RABGAP1L: variants seen among roughly 807,000 people sequenced by gnomAD.
The protein encoded by RABGAP1L is RAB GTPase activating protein 1 like, also known as rab GTPase-activating protein 1-like.
Under a neutral mutation model 137.7 loss-of-function variants are expected in RABGAP1L, and 63 were observed. The ratio of observed to expected loss-of-function variants is 0.46; its 90% CI spans 0.37 to 0.56. The LOEUF (loss-of-function observed/expected upper bound fraction) is 0.56. Among genes scored for constraint, RABGAP1L ranks in the 20% least tolerant of loss-of-function variants. RABGAP1L has a pLI of 0.00. For missense variants in RABGAP1L, 1,095 were observed against 1,244.0 expected (o/e 0.88, Z 1.80); for synonymous variants, 431 against 433.7 (o/e 0.99, Z 0.08).
chr1:174,403,282 C>CT (rs796504266), intron 13 of RABGAP1L, among the ~76,000 whole-genome samples: 103 of 130,758 alleles, frequency 7.9e-4, no homozygotes, highest in South Asian at 5.8e-3. Flanking sequence ...TTTCTTCTCT[C>CT]TTTTTTTTTT....
intron 13 of RABGAP1L, among the ~76,000 whole-genome samples, chr1:174,460,543 T>C (rs1225917672): frequency 6.6e-6 from 1 of 152,096 alleles, no homozygotes; most frequent in African/African-American, 2.4e-5. Context: ...TTTCCACATT[T>C]AGTATTATTT....
chr1:174,384,680 C>T (rs1686592464), intron 12 of RABGAP1L, among the ~76,000 whole-genome samples: 1 of 152,120 alleles, frequency 6.6e-6, no homozygotes, highest in African/African-American at 2.4e-5. Flanking sequence ...TCTTAACTAA[C>T]TTCTCTCTTC....
intron 19 of RABGAP1L, among the ~76,000 whole-genome samples, chr1:174,936,953 A>G (rs1664897718): frequency 6.8e-6 from 1 of 147,084 alleles, no homozygotes; most frequent in African/African-American, 2.6e-5. Context: ...AGGAAGGACC[A>G]TAATTTTTAT....
chr1:174,856,212 T>C (rs112321384), intron 19 of RABGAP1L, among the ~76,000 whole-genome samples: 1 of 152,000 alleles, frequency 6.6e-6, no homozygotes, highest in Non-Finnish European at 1.5e-5. Flanking sequence ...CTGGCCAAGA[T>C]GGTGAAACCC....
intron 13 of RABGAP1L, among the ~76,000 whole-genome samples, chr1:174,475,401 TAAC>T (rs888988964): frequency 2.6e-5 from 4 of 152,240 alleles, no homozygotes; most frequent in South Asian, 4.1e-4. Context: ...TTAAGGTAGT[TAAC>T]AATAATATTG....
chr1:174,525,249 A>G (rs770390959), intron 13 of RABGAP1L, among the ~76,000 whole-genome samples: 4 of 152,108 alleles, frequency 2.6e-5, no homozygotes, highest in Non-Finnish European at 4.4e-5. Context: ...TCATTTTAAC[A>G]ATACTAATTA....
chr1:174,163,211 A>C (rs1664648231), intron 1 of RABGAP1L, among the ~76,000 whole-genome samples: 1 of 152,224 alleles, frequency 6.6e-6, no homozygotes, highest in Admixed American at 6.5e-5. Flanking sequence ...CTAGACTTTC[A>C]GAACGGGAAA....
intron 10 of RABGAP1L, among the ~76,000 whole-genome samples, chr1:174,293,929 T>G (rs1231816401): frequency 1.3e-5 from 2 of 152,070 alleles, no homozygotes; most frequent in Non-Finnish European, 2.9e-5. Flanking sequence ...ACAATAGAAG[T>G]ATATACATAG....
intron 14 of RABGAP1L, among the ~76,000 whole-genome samples, chr1:174,666,967 T>C (rs1057209048): frequency 2.8e-5 from 4 of 141,684 alleles, no homozygotes; most frequent in African/African-American, 1.1e-4. Flanking sequence ...TTCCTATCAA[T>C]GGATAACAGT....
chr1:174,254,967 G>T (rs1341877439), intron 7 of RABGAP1L, among the ~76,000 whole-genome samples: 1 of 152,176 alleles, frequency 6.6e-6, no homozygotes, highest in Non-Finnish European at 1.5e-5. Flanking sequence ...GTGTAAAAGT[G>T]TTCCTATTTC....
At chr1:174,565,438 C>T (rs1450248661) in intron 13 of RABGAP1L, among the ~76,000 whole-genome samples, 1 of 152,116 alleles carries the variant, frequency 6.6e-6, no homozygotes, top group East Asian at 1.9e-4. Context: ...TCTCTGCTTT[C>T]TTGGTTTCCA....
intron 14 of RABGAP1L, among the ~76,000 whole-genome samples, chr1:174,672,614 A>G (rs1393819662): frequency 1.3e-5 from 2 of 151,400 alleles, no homozygotes; most frequent in African/African-American, 4.9e-5. Context: ...TTCCCTCTCA[A>G]ACTGCTTTTG....
At chr1:174,165,888 C>T (rs1040694243) in intron 1 of RABGAP1L, among the ~76,000 whole-genome samples, 3 of 152,032 alleles carry the variant, frequency 2.0e-5, no homozygotes, top group Admixed American at 6.6e-5. Flanking sequence ...GGCCAGGGGC[C>T]AGGGTGATCA....
intron 14 of RABGAP1L, among the ~76,000 whole-genome samples, chr1:174,677,611 A>G (rs181634283): frequency 2.8e-4 from 43 of 152,256 alleles, no homozygotes; most frequent in Non-Finnish European, 5.4e-4. Context: ...TTCTGAGGCT[A>G]TAGCCTTGGA....
At chr1:174,663,368 A>G in intron 14 of RABGAP1L, among the ~76,000 whole-genome samples, 1 of 152,224 alleles carries the variant, frequency 6.6e-6, no homozygotes, top group East Asian at 1.9e-4. Context: ...ATTGCCTACT[A>G]TTCAGTCCAT....
At chr1:174,958,607 T>G (rs2149345076) in intron 20 of RABGAP1L, among the ~76,000 whole-genome samples, 1 of 152,302 alleles carries the variant, frequency 6.6e-6, no homozygotes, top group Non-Finnish European at 1.5e-5. Flanking sequence ...TAACTAGAGT[T>G]ATCTTTATGT....
rs189882640 is a variant in RABGAP1L at position 174,916,474 on chromosome 1, G to A, written c.2341-40983G>A. Among the ~76,000 whole-genome samples, 368 of 152,302 alleles carry A rather than the reference G, an allele frequency of 2.4e-3. 2 individuals carry two copies. Among genetic ancestry groups the A allele is most frequent in the Non-Finnish European group, 2.3e-3 (159 of 68,028 alleles). On this transcript the variant is annotated intron_variant, in intron 19 of 25. Coordinates refer to ENST00000681986, the MANE Select transcript of RABGAP1L (RefSeq NM_001366446.1). ...CAGATAAATAAATACAAGATAAGAA[G>A]CATGTCAACCCAGAGGGGAAAAGGG...
At chr1:174,661,908 A>G (rs1676399891) in intron 14 of RABGAP1L, among the ~76,000 whole-genome samples, 1 of 152,190 alleles carries the variant, frequency 6.6e-6, no homozygotes, top group African/African-American at 2.4e-5. Context: ...GTATAAAGGT[A>G]TATAGCATAT....
intron 13 of RABGAP1L, among the ~76,000 whole-genome samples, chr1:174,453,523 G>A (rs1347141865): frequency 6.6e-6 from 1 of 152,174 alleles, no homozygotes; most frequent in East Asian, 1.9e-4. Context: ...ATAACATTCT[G>A]AGCATAGATA....
Sources: gnomAD v4.1 joint callset for allele counts (sites outside exome capture counted in the v4.1 genomes callset) on GRCh38, gnomAD v4.1.1 for gene constraint, MANE v1.5 for transcripts, NCBI Gene and HGNC (gene_info 2026-07-23, HGNC 2026-07-21) for gene names.